Variants in KIAA1671 observed in about 807,000 individuals in gnomAD.
KIAA1671 encodes the protein uncharacterized protein KIAA1671.
In KIAA1671, 52 loss-of-function variants were observed where a neutral mutation model predicts 131.2. That is an observed-to-expected ratio of 0.40 (90% CI 0.32 to 0.50). The LOEUF is 0.50. Ranked by LOEUF, KIAA1671 falls within the 20% of genes least tolerant of loss-of-function variation. KIAA1671 has a pLI of 0.73. For synonymous variants in KIAA1671, 1,003 were observed against 961.6 expected, an observed-to-expected ratio of 1.04 and a Z score of -0.80; for missense variants, 2,360 against 2,364.2, an observed-to-expected ratio of 1.00 and a Z score of 0.04.
chr22:25,080,333 T>C (rs1264012546), intron 6 of KIAA1671, among the ~76,000 whole-genome samples: 1 of 152,034 alleles, frequency 6.6e-6, no homozygotes, highest in East Asian at 1.9e-4. Context: ...TGTAAAGGAT[T>C]AAAACACAGG....
chr22:25,170,732 G>A, intron 6 of KIAA1671, 88 bp from the exon 7 acceptor site: 1 of 1,303,230 alleles, frequency 7.7e-7, no homozygotes, highest in Non-Finnish European at 1.1e-6. Flanking sequence ...TGAGCTGGGG[G>A]CCATGCGATC....
chr22:25,114,883 C>T (rs1931576366), intron 6 of KIAA1671, among the ~76,000 whole-genome samples: 1 of 152,156 alleles, frequency 6.6e-6, no homozygotes, highest in Non-Finnish European at 1.5e-5. Flanking sequence ...TGGGAGGGGG[C>T]AGGATTTTAG....
intron 6 of KIAA1671, among the ~76,000 whole-genome samples, chr22:25,133,370 T>G (rs1932531085): frequency 1.3e-5 from 2 of 152,240 alleles, no homozygotes; most frequent in Admixed American, 1.3e-4. Flanking sequence ...TAGCATGTGT[T>G]GACCACAGAA....
chr22:25,176,673 TTC>T (rs1442786232), intron 8 of KIAA1671: 2 of 152,214 alleles, frequency 1.3e-5, no homozygotes, highest in Admixed American at 6.5e-5. Flanking sequence ...CCCGGGAGAA[TTC>T]TGAGCCAGGC....
intron 6 of KIAA1671, chr22:25,061,701 T>C (rs1208887969): frequency 6.6e-6 from 1 of 152,314 alleles, no homozygotes; most frequent in Non-Finnish European, 1.5e-5. Flanking sequence ...GAGGCAGGGC[T>C]GTAGTTGGGA....
chr22:24,958,699 A>T, intron 1 of KIAA1671, among the ~76,000 whole-genome samples: 1 of 149,378 alleles, frequency 6.7e-6, no homozygotes, highest in East Asian at 2.0e-4. Flanking sequence ...GGTCAGGCAC[A>T]GTGGCTCACA....
chr22:25,079,754 C>T (rs957475870), intron 6 of KIAA1671, among the ~76,000 whole-genome samples: 2 of 152,168 alleles, frequency 1.3e-5, no homozygotes, highest in Admixed American at 6.5e-5. Context: ...CCGGGCCTTG[C>T]AGTCACTCTA....
At position 25,039,278 on chromosome 22, in the gene KIAA1671, C is replaced by A. The variant is rs949388967; in HGVS notation, c.2148C>A (p.Phe716Leu). ...PLSENHNNNTFLKHLENPPTS... is the reference protein window; with the variant it reads ...PLSENHNNNTLLKHLENPPTS... ...CTGAAAACCACAATAATAACACCTT[C>A]CTCAAACACTTGGAAAATCCTCCCA... The change falls in exon 5 of 13, where the codon TTC becomes TTA. Residue 716 changes from phenylalanine (F) to leucine (L), a missense_variant. Coordinates refer to ENST00000358431, the MANE Select transcript of KIAA1671 (RefSeq NM_001145206.2). 2.0e-4 allele frequency: 308 copies of A among 1,552,294 alleles called. No homozygotes were observed. The highest frequency in any genetic ancestry group is 3.3e-4 in the Admixed American group (17 of 51,012).
At chr22:25,075,736 G>A (rs1929069616) in intron 6 of KIAA1671, among the ~76,000 whole-genome samples, 1 of 149,732 alleles carries the variant, frequency 6.7e-6, no homozygotes, top group African/African-American at 2.5e-5. Context: ...CAAAGTGCCA[G>A]GATTACAGGC....
intron 9 of KIAA1671, among the ~76,000 whole-genome samples, chr22:25,180,012 G>A (rs188999181): frequency 3.4e-5 from 4 of 117,782 alleles, no homozygotes; most frequent in African/African-American, 1.2e-4. Flanking sequence ...CAAGATCAAA[G>A]GGACAGAGAT....
intron 6 of KIAA1671, among the ~76,000 whole-genome samples, chr22:25,164,224 G>C (rs1933560386): frequency 6.6e-6 from 1 of 152,182 alleles, no homozygotes; most frequent in Non-Finnish European, 1.5e-5. Flanking sequence ...GTAGAATGTT[G>C]GTGGCAGGAA....
At chr22:25,125,865 G>A (rs1932156405) in intron 6 of KIAA1671, among the ~76,000 whole-genome samples, 1 of 152,238 alleles carries the variant, frequency 6.6e-6, no homozygotes, top group Non-Finnish European at 1.5e-5. Flanking sequence ...CAAGGCCAAA[G>A]TATTAGTAGT....
chr22:25,046,971 GTT>G (rs151333876), intron 5 of KIAA1671, among the ~76,000 whole-genome samples: 15,719 of 125,548 alleles, frequency 0.13, 811 homozygotes, highest in African/African-American at 0.14. Flanking sequence ...TGTCTTGAGA[GTT>G]TTTTTTTTTT....
chr22:24,960,861 C>T (rs1273793096), intron 1 of KIAA1671, among the ~76,000 whole-genome samples: 2 of 152,024 alleles, frequency 1.3e-5, no homozygotes, highest in African/African-American at 4.8e-5. Flanking sequence ...CACAGCTGTG[C>T]GAGAGACAGC....
intron 6 of KIAA1671, among the ~76,000 whole-genome samples, chr22:25,082,595 G>A (rs1235293115): frequency 6.6e-6 from 1 of 152,208 alleles, no homozygotes; most frequent in Non-Finnish European, 1.5e-5. Flanking sequence ...AACCTTGGGA[G>A]GCCCAGGTGG....
At chr22:25,133,396 A>T (rs1213168856) in intron 6 of KIAA1671, among the ~76,000 whole-genome samples, 1 of 152,254 alleles carries the variant, frequency 6.6e-6, no homozygotes, top group Admixed American at 6.5e-5. Flanking sequence ...AAAGCATTTC[A>T]CTAGGTTGTA....
At chr22:25,068,024 T>G (rs556173038) in intron 6 of KIAA1671, among the ~76,000 whole-genome samples, 66 of 152,398 alleles carry the variant, frequency 4.3e-4, no homozygotes, top group Middle Eastern at 3.4e-3. Context: ...CCAGCCCTTT[T>G]GCTGCACTTT....
chr22:25,145,945 G>GAAAA (rs11337979), intron 6 of KIAA1671, among the ~76,000 whole-genome samples: 1 of 135,126 alleles, frequency 7.4e-6, no homozygotes, highest in Non-Finnish European at 1.6e-5. Context: ...ATCTCTAAAA[G>GAAAA]AAAAAAAAAA....
chr22:25,177,272 C>T, intron 8 of KIAA1671, 76 bp from the exon 9 acceptor site: 1 of 1,387,982 alleles, frequency 7.2e-7, no homozygotes. Context: ...AAGCTGTGTA[C>T]CGCCAACTGT....
Sources: allele counts gnomAD v4.1 joint callset (sites outside exome capture counted in the v4.1 genomes callset), GRCh38; gene constraint gnomAD v4.1.1; transcripts MANE v1.5; gene names NCBI Gene and HGNC (gene_info 2026-07-23, HGNC 2026-07-21).